The following COL26A1 variants were observed in gnomAD, a reference collection of about 807,000 sequenced individuals.
COL26A1 encodes the protein collagen type XXVI alpha 1 chain.
COL26A1 carries 41 observed loss-of-function variants against 59.3 expected under a neutral mutation model. The observed-to-expected ratio is 0.69, with a 90% CI of 0.54 to 0.90. The LOEUF (loss-of-function observed/expected upper bound fraction) is 0.90. Ranked by LOEUF, COL26A1 falls within the 40% of genes least tolerant of loss-of-function variation. The pLI, the probability that COL26A1 is intolerant of heterozygous loss-of-function variation, is 0.00. For missense variants in COL26A1, 612 were observed against 602.3 expected (o/e 1.02, Z -0.17); for synonymous variants, 266 against 256.0 (o/e 1.04, Z -0.37).
chr7:101,457,164 G>A (rs1793491810), intron 3 of COL26A1, among the ~76,000 whole-genome samples: 1 of 152,134 alleles, frequency 6.6e-6, no homozygotes, highest in African/African-American at 2.4e-5. Context: ...TGGGCACTGA[G>A]TCCAACACTG....
intron 12 of COL26A1, 28 bp downstream of exon 12, chr7:101,555,899 G>T (rs1240456934): frequency 6.4e-7 from 1 of 1,563,994 alleles, no homozygotes; most frequent in African/African-American, 1.4e-5. Context: ...TCAGCGGGCT[G>T]GGAATCTCTC....
At chr7:101,454,974 A>G (rs6964132) in intron 3 of COL26A1, among the ~76,000 whole-genome samples, 93,456 of 151,492 alleles carry the variant, frequency 0.62, 30,359 homozygotes, top group African/African-American at 0.82. Flanking sequence ...AAATTCTGTG[A>G]GCCAGCATCA....
At chr7:101,551,182 A>T in intron 10 of COL26A1, 39 bp downstream of exon 10, 1 of 1,309,212 alleles carries the variant, frequency 7.6e-7, no homozygotes, top group Non-Finnish European at 1.0e-6. Context: ...GGCCACTCCC[A>T]GGCAGAGGCT....
At chr7:101,469,956 C>G (rs1793854642) in intron 3 of COL26A1, among the ~76,000 whole-genome samples, 1 of 152,068 alleles carries the variant, frequency 6.6e-6, no homozygotes, top group South Asian at 2.1e-4. Context: ...GGTAAATACT[C>G]AAGATTCGTT....
rs983216184 is a variant in COL26A1 at position 101,387,088 on chromosome 7, G to C, written c.158+23898G>C. Among the ~76,000 whole-genome samples the C allele has an allele frequency of 3.9e-5, 6 of 152,164 alleles. No homozygotes were observed. In the South Asian group the frequency reaches 8.3e-4, roughly 21 times the overall value. On this transcript the variant is annotated intron_variant, in intron 1 of 12. Coordinates refer to ENST00000313669, the MANE Select transcript of COL26A1 (RefSeq NM_001278563.3). Reference sequence around the variant, plus strand: ...CTTGCAGGATGGATGGGCTCTGGGGGCGGCCAGGGGTGCCACTGGGAAAGG... The same window carrying C: ...CTTGCAGGATGGATGGGCTCTGGGGCCGGCCAGGGGTGCCACTGGGAAAGG...
chr7:101,415,362 C>G (rs1180516232), intron 1 of COL26A1, among the ~76,000 whole-genome samples: 3 of 152,074 alleles, frequency 2.0e-5, no homozygotes, highest in Non-Finnish European at 4.4e-5. Flanking sequence ...CCATGTTGGC[C>G]AGACTGGTCT....
rs1445116473 is a variant in COL26A1, at chr7:101,387,776, A to AT, written c.158+24587dup. Among the ~76,000 whole-genome samples the AT allele has an allele frequency of 1.4e-3, 116 of 84,750 alleles. 3 individuals are homozygous for AT. The highest frequency in any genetic ancestry group is 9.7e-3 in the South Asian group (25 of 2,586). The allele number at this position is 84,750 out of a possible 152,430, so 55.6% of individuals were successfully genotyped here. ...TATTTATATATATATATATATATAT[A>AT]TATTTTTTTTTAAGACAGAGTCTCA... On this transcript the variant is annotated intron_variant, in intron 1 of 12. Coordinates refer to ENST00000313669, the MANE Select transcript of COL26A1 (RefSeq NM_001278563.3).
chr7:101,463,589 C>G (rs1275122605), intron 3 of COL26A1, among the ~76,000 whole-genome samples: 1 of 126,242 alleles, frequency 7.9e-6, no homozygotes, highest in Non-Finnish European at 1.6e-5. Context: ...CCCTTCCCTT[C>G]CCTCCCTCCC....
intron 12 of COL26A1, among the ~76,000 whole-genome samples, chr7:101,556,973 A>T (rs373783746): frequency 6.7e-6 from 1 of 148,724 alleles, no homozygotes; most frequent in African/African-American, 2.5e-5. Flanking sequence ...GGGTGGGTGG[A>T]TAAGTGAGTG....
rs187740699 is a variant in COL26A1, at chr7:101,474,013, A to G, written c.385+26226A>G. Among the ~76,000 whole-genome samples the G allele has an allele frequency of 6.3e-3, 954 of 152,320 alleles. 10 individuals are homozygous for G. The highest frequency in any genetic ancestry group is 9.4e-3 in the Admixed American group (143 of 15,294). On this transcript the variant is annotated intron_variant, in intron 3 of 12. Transcript: ENST00000313669. ...GAGGCTGCTTGAATGTGTCTGGTGC[A>G]TGGTGGGCACCCATGAAACAGGTCC...
chr7:101,422,743 AGTGATCC>A (rs1792553756), intron 2 of COL26A1, among the ~76,000 whole-genome samples: 1 of 152,068 alleles, frequency 6.6e-6, no homozygotes. Flanking sequence ...GCTGGGCTGA[AGTGATCC>A]TCCTGCGCCA....
chr7:101,368,429 T>C (rs914570199), intron 1 of COL26A1, among the ~76,000 whole-genome samples: 3 of 152,182 alleles, frequency 2.0e-5, no homozygotes, highest in Non-Finnish European at 4.4e-5. Flanking sequence ...GCAACTTTAA[T>C]TGATGTGGCA....
intron 1 of COL26A1, among the ~76,000 whole-genome samples, chr7:101,367,556 T>C (rs1409060465): frequency 2.6e-5 from 4 of 151,452 alleles, no homozygotes; most frequent in African/African-American, 9.7e-5. Flanking sequence ...TCCCAGCTAC[T>C]TGGGAGGCTG....
intron 2 of COL26A1, among the ~76,000 whole-genome samples, chr7:101,428,852 T>C (rs1792709002): frequency 6.6e-6 from 1 of 152,154 alleles, no homozygotes; most frequent in Non-Finnish European, 1.5e-5. Flanking sequence ...TTTCATCCTC[T>C]AAACAGTCTT....
At chr7:101,408,168 A>AT (rs1397958007) in intron 1 of COL26A1, among the ~76,000 whole-genome samples, 9 of 152,198 alleles carry the variant, frequency 5.9e-5, no homozygotes, top group Non-Finnish European at 1.5e-5. Flanking sequence ...GAAGATTCTG[A>AT]GCCAGAGTCT....
chr7:101,432,775 T>C (rs1036425526), intron 2 of COL26A1, among the ~76,000 whole-genome samples: 2 of 152,156 alleles, frequency 1.3e-5, no homozygotes, highest in Non-Finnish European at 2.9e-5. Context: ...TGATCTCAGC[T>C]TACTGCAACC....
intron 3 of COL26A1, among the ~76,000 whole-genome samples, chr7:101,468,591 A>C (rs566914246): frequency 6.6e-6 from 1 of 152,360 alleles, no homozygotes; most frequent in Admixed American, 6.5e-5. Context: ...AACTTCCTGC[A>C]GAAGGGGGCT....
chr7:101,376,354 T>A (rs1791319461), intron 1 of COL26A1, among the ~76,000 whole-genome samples: 1 of 152,076 alleles, frequency 6.6e-6, no homozygotes, highest in Non-Finnish European at 1.5e-5. Flanking sequence ...AACAAACATA[T>A]GAGGCCACAG....
intron 1 of COL26A1, among the ~76,000 whole-genome samples, chr7:101,400,865 G>T (rs1056129346): frequency 6.6e-6 from 1 of 152,028 alleles, no homozygotes; most frequent in Non-Finnish European, 1.5e-5. Context: ...GACCCACACC[G>T]CCTTCCTTCC....
Sources: gnomAD v4.1 joint callset for allele counts (sites outside exome capture counted in the v4.1 genomes callset) on GRCh38, gnomAD v4.1.1 for gene constraint, MANE v1.5 for transcripts, NCBI Gene and HGNC (gene_info 2026-07-23, HGNC 2026-07-21) for gene names.